Variants in CD2AP observed in about 807,000 individuals in gnomAD.
CD2AP encodes the protein CD2 associated protein.
CD2AP carries 46 observed loss-of-function variants against 85.1 expected under a neutral mutation model. That is an observed-to-expected ratio of 0.54 (90% CI 0.43 to 0.69). CD2AP has a LOEUF of 0.69. CD2AP is among the 30% of genes least tolerant of loss of function. The pLI, the probability that CD2AP is intolerant of heterozygous loss-of-function variation, is 0.00. For synonymous variants in CD2AP, 255 were observed against 252.9 expected (o/e 1.01, Z -0.08); for missense variants, 769 against 729.5 (o/e 1.05, Z -0.62).
chr6:47,503,994 G>A (rs764768643), intron 2 of CD2AP, among the ~76,000 whole-genome samples: 5 of 152,104 alleles, frequency 3.3e-5, no homozygotes, highest in Non-Finnish European at 5.9e-5. Context: ...TTGTGTTTCA[G>A]CATTATAGCA....
Position 47,478,145 on chromosome 6 carries a change from C to T in CD2AP, c.-100C>T, listed in dbSNP as rs1335889156. The T allele has an allele frequency of 1.4e-6, 2 of 1,449,952 alleles. No individual in the cohort carries two copies. The highest frequency in any genetic ancestry group is 1.9e-6 in the Non-Finnish European group (2 of 1,057,596). 89.8% of individuals were successfully genotyped at this position (1,449,952 alleles called of 1,614,324 possible). A position where few individuals can be genotyped will look rare whatever the true frequency, so the allele number is the denominator to read the frequency against. On this transcript the variant is annotated 5_prime_UTR_variant, in exon 1 of 18. Coordinates refer to ENST00000359314, the MANE Select transcript of CD2AP (RefSeq NM_012120.3). ...GAGCTCAGGAGGGGCTAGCGCGGAG[C>T]GCGGGTCCCGCCTCCAGCCGCGGGA...
intron 13 of CD2AP, 131 bp from the exon 14 acceptor site, chr6:47,606,034 G>T: frequency 1.6e-6 from 1 of 618,714 alleles, no homozygotes; most frequent in South Asian, 2.0e-5. Flanking sequence ...AAAAGCACAG[G>T]TCAATTTGTG....
intron 2 of CD2AP, among the ~76,000 whole-genome samples, chr6:47,522,786 AT>A (rs936401676): frequency 6.6e-6 from 1 of 151,822 alleles, no homozygotes; most frequent in Non-Finnish European, 1.5e-5. Flanking sequence ...AAAAATGTTT[AT>A]TTTCAGTTTA....
At chr6:47,536,990 G>A (rs1767068262) in intron 3 of CD2AP, among the ~76,000 whole-genome samples, 1 of 152,184 alleles carries the variant, frequency 6.6e-6, no homozygotes, top group South Asian at 2.1e-4. Context: ...CATAGTGTTT[G>A]CTAATTGTAT....
intron 2 of CD2AP, among the ~76,000 whole-genome samples, chr6:47,515,833 A>G (rs936114501): frequency 6.6e-6 from 1 of 152,196 alleles, no homozygotes; most frequent in Non-Finnish European, 1.5e-5. Context: ...TCAAATTGCA[A>G]TTTGATGGAA....
At chr6:47,507,968 C>A (rs1766218078) in intron 2 of CD2AP, among the ~76,000 whole-genome samples, 1 of 152,280 alleles carries the variant, frequency 6.6e-6, no homozygotes, top group Admixed American at 6.5e-5. Flanking sequence ...CTCAATAAAC[C>A]ATGCTGTAAA....
At chr6:47,562,085 A>C (rs1767878466) in intron 5 of CD2AP, among the ~76,000 whole-genome samples, 1 of 152,210 alleles carries the variant, frequency 6.6e-6, no homozygotes, top group South Asian at 2.1e-4. Context: ...ACTTTTAAGG[A>C]AATTTAATTT....
chr6:47,598,572 G>A (rs912622454), intron 12 of CD2AP, among the ~76,000 whole-genome samples: 28 of 150,864 alleles, frequency 1.9e-4, no homozygotes, highest in Admixed American at 1.5e-3. Context: ...CTACTCAGCC[G>A]TAAAAAAGAT....
At chr6:47,505,730 A>T (rs1766136360) in intron 2 of CD2AP, among the ~76,000 whole-genome samples, 1 of 55,048 alleles carries the variant, frequency 1.8e-5, no homozygotes, top group African/African-American at 6.5e-5. Context: ...GGGGCTCCTC[A>T]CTTCCCAGTA....
intron 2 of CD2AP, among the ~76,000 whole-genome samples, chr6:47,505,578 G>C: frequency 6.9e-6 from 1 of 145,604 alleles, no homozygotes; most frequent in Admixed American, 6.8e-5. Flanking sequence ...CTGGGCAGAG[G>C]CGCCCCTCAC....
chr6:47,523,047 A>G (rs12525335), intron 2 of CD2AP, among the ~76,000 whole-genome samples: 11,716 of 152,016 alleles, frequency 0.077, 465 homozygotes, highest in South Asian at 0.13. Flanking sequence ...GGAAATGACA[A>G]TTTGGTGTTA....
At chr6:47,545,832 C>A (rs1767350767) in intron 4 of CD2AP, among the ~76,000 whole-genome samples, 1 of 152,122 alleles carries the variant, frequency 6.6e-6, no homozygotes, top group Admixed American at 6.5e-5. Flanking sequence ...TAAAGGAGCA[C>A]CCCATGGGAC....
intron 13 of CD2AP, among the ~76,000 whole-genome samples, chr6:47,600,672 C>A (rs1191762826): frequency 6.6e-6 from 1 of 151,762 alleles, no homozygotes; most frequent in Non-Finnish European, 1.5e-5. Context: ...TGAAAATTAT[C>A]CTTATTAATT....
intron 17 of CD2AP, among the ~76,000 whole-genome samples, chr6:47,617,189 T>C (rs1769616291): frequency 6.6e-6 from 1 of 152,120 alleles, no homozygotes; most frequent in Non-Finnish European, 1.5e-5. Context: ...GATCTTGAAC[T>C]CCTGGCCTCA....
chr6:47,615,429 A>G (rs1769550203), intron 17 of CD2AP, among the ~76,000 whole-genome samples: 2 of 152,176 alleles, frequency 1.3e-5, no homozygotes, highest in Admixed American at 1.3e-4. Context: ...TATAGGAGGA[A>G]GCATGGTTCC....
At chr6:47,613,404 T>G (rs964399826) in intron 17 of CD2AP, among the ~76,000 whole-genome samples, 15 of 152,186 alleles carry the variant, frequency 9.9e-5, no homozygotes, top group African/African-American at 3.6e-4. Context: ...ATGGATGTTG[T>G]GTTAGCAGAC....
intron 5 of CD2AP, among the ~76,000 whole-genome samples, chr6:47,566,981 G>T (rs1178839270): frequency 6.6e-6 from 1 of 152,002 alleles, no homozygotes; most frequent in African/African-American, 2.4e-5. Context: ...CTTTTAAGAA[G>T]ATTAATGTCA....
intron 2 of CD2AP, among the ~76,000 whole-genome samples, chr6:47,507,045 T>C (rs2113987140): frequency 6.6e-6 from 1 of 152,338 alleles, no homozygotes; most frequent in East Asian, 1.9e-4. Flanking sequence ...ATATTTTGAA[T>C]CCTGCATTGT....
Position 47,580,849 on chromosome 6 carries a change from TTA to T in CD2AP, c.1009-13_1009-12del. On this transcript the variant is annotated splice_polypyrimidine_tract_variant and intron_variant, in intron 9 of 17. Coordinates refer to ENST00000359314, the MANE Select transcript of CD2AP (RefSeq NM_012120.3). ...TGAAACTGGTCAGCCGTTTCCACCATTATTATTTTAACAGAAACCAAAGAAAC... is the reference window on the plus strand; with the variant it reads ...TGAAACTGGTCAGCCGTTTCCACCATTTATTTTAACAGAAACCAAAGAAAC... 6.3e-7 allele frequency: 1 copy of T among 1,595,098 alleles called. No homozygotes were observed. Among genetic ancestry groups the T allele is most frequent in the Non-Finnish European group, 8.6e-7 (1 of 1,163,040 alleles).
Sources: gnomAD v4.1 joint callset for allele counts (sites outside exome capture counted in the v4.1 genomes callset) on GRCh38, gnomAD v4.1.1 for gene constraint, MANE v1.5 for transcripts, NCBI Gene and HGNC (gene_info 2026-07-23, HGNC 2026-07-21) for gene names.